CFAP54: variants seen among roughly 807,000 people sequenced by gnomAD.
CFAP54 encodes the protein cilia and flagella associated protein 54, also known as cilia- and flagella-associated protein 54.
A neutral mutation model predicts 370.4 loss-of-function variants in CFAP54; 290 were observed. The ratio of observed to expected loss-of-function variants is 0.78; its 90% CI spans 0.71 to 0.86. The LOEUF (loss-of-function observed/expected upper bound fraction) is 0.86, where lower values mean the gene tolerates loss of function less well. Among genes scored for constraint, CFAP54 ranks in the 40% least tolerant of loss-of-function variants. The probability of loss-of-function intolerance (pLI) is 0.00; values close to 1 mark genes in which losing one functional copy is unlikely to be tolerated. For missense variants in CFAP54, 3,399 were observed against 3,528.7 expected, an observed-to-expected ratio of 0.96 and a Z score of 0.93; for synonymous variants, 1,206 against 1,236.5, an observed-to-expected ratio of 0.98 and a Z score of 0.52.
At position 96,743,888 on chromosome 12, in the gene CFAP54, C is replaced by T. The variant is rs772832726; in HGVS notation, c.7535C>T (p.Ala2512Val). 3 of 1,613,076 alleles carry T rather than the reference C, an allele frequency of 1.9e-6. No individual in the cohort carries two copies. Among genetic ancestry groups the T allele is most frequent in the Non-Finnish European group, 2.5e-6 (3 of 1,179,664 alleles). The part of the protein sequence containing the change: ...KTGKLNLLTR[A>V]HSILTEQMLA... Reference sequence around the variant, plus strand: ...GGAAAATTAAATTTGTTAACTCGGGCTCATAGCATTCTAACTGAACAGGTG... The same window carrying T: ...GGAAAATTAAATTTGTTAACTCGGGTTCATAGCATTCTAACTGAACAGGTG... The change falls in exon 54 of 68, where the codon GCT (alanine) becomes GTT (valine). Residue 2512 changes from alanine (A) to valine (V), a missense_variant. Ala to Val is a moderately conservative substitution (Grantham distance 64, BLOSUM62 0). Coordinates refer to ENST00000524981, the MANE Select transcript of CFAP54 (RefSeq NM_001306084.2).
At chr12:96,582,659 G>A (rs1956043099) in intron 22 of CFAP54, among the ~76,000 whole-genome samples, 1 of 152,044 alleles carries the variant, frequency 6.6e-6, no homozygotes, top group African/African-American at 2.4e-5. Context: ...TTTTCTCCAG[G>A]GAGTGGTTTG....
At chr12:96,604,320 T>C (rs1323852121) in intron 26 of CFAP54, among the ~76,000 whole-genome samples, 7 of 152,170 alleles carry the variant, frequency 4.6e-5, no homozygotes, top group Non-Finnish European at 7.4e-5. Flanking sequence ...ATCGTTCCTC[T>C]GGAAGCTTCG....
chr12:96,780,575 AG>A (rs1238180227), intron 60 of CFAP54, among the ~76,000 whole-genome samples: 7 of 152,298 alleles, frequency 4.6e-5, no homozygotes, highest in African/African-American at 1.4e-4. Flanking sequence ...TTCAAGATAG[AG>A]ATAAAGGAAA....
At position 96,503,080 on chromosome 12, in the gene CFAP54, TTCTCTTTCTTTCTTTC is replaced by T. The variant is rs779568254; in HGVS notation, c.424-800_424-785del. ...CCTTTCTCTCTCTCTCTTTCTTTCT[TTCTCTTTCTTTCTTTC>T]TCTCTCTCTCCTTCCTTCCTTCTTT... On this transcript the variant is annotated intron_variant, in intron 2 of 67. Coordinates refer to ENST00000524981, the MANE Select transcript of CFAP54 (RefSeq NM_001306084.2). 8.6e-3 allele frequency among the ~76,000 whole-genome samples: 1,187 copies of T among 138,100 alleles called. 9 individuals carry two copies. Among genetic ancestry groups the T allele is most frequent in the Non-Finnish European group, 0.012 (809 of 65,600 alleles). 90.6% of individuals were successfully genotyped at this position (138,100 alleles called of 152,430 possible). A position where few individuals can be genotyped will look rare whatever the true frequency, so the allele number is the denominator to read the frequency against.
chr12:96,674,504 G>A (rs746246762), intron 39 of CFAP54, among the ~76,000 whole-genome samples: 1 of 151,568 alleles, frequency 6.6e-6, no homozygotes, highest in African/African-American at 2.4e-5. Flanking sequence ...AGCTAATGCC[G>A]CCTCCTCATT....
intron 32 of CFAP54, among the ~76,000 whole-genome samples, chr12:96,631,246 T>C (rs1018319949): frequency 9.2e-5 from 14 of 151,906 alleles, no homozygotes; most frequent in African/African-American, 3.1e-4. Flanking sequence ...TATTTTTAGA[T>C]AGGTATAAAA....
intron 66 of CFAP54, among the ~76,000 whole-genome samples, chr12:96,838,613 A>C (rs1959193983): frequency 6.6e-6 from 1 of 152,126 alleles, no homozygotes; most frequent in Non-Finnish European, 1.5e-5. Context: ...GAACTCACTC[A>C]CTATCACAAG....
intron 50 of CFAP54, among the ~76,000 whole-genome samples, chr12:96,722,324 A>G (rs1957766298): frequency 6.6e-6 from 1 of 152,210 alleles, no homozygotes; most frequent in Non-Finnish European, 1.5e-5. Flanking sequence ...TTGGGTGGTC[A>G]GGGCAGGCTT....
chr12:96,661,377 C>T (rs1027340178), intron 38 of CFAP54, among the ~76,000 whole-genome samples: 16 of 152,144 alleles, frequency 1.1e-4, no homozygotes, highest in African/African-American at 3.9e-4. Context: ...TCACATCTGT[C>T]TAGCTAGCTA....
At chr12:96,523,127 C>T (rs940301727) in intron 8 of CFAP54, among the ~76,000 whole-genome samples, 1 of 152,198 alleles carries the variant, frequency 6.6e-6, no homozygotes, top group African/African-American at 2.4e-5. Flanking sequence ...CTTCTGCGAG[C>T]TTCCATGTAG....
intron 39 of CFAP54, among the ~76,000 whole-genome samples, chr12:96,673,700 T>C (rs1957173010): frequency 1.3e-5 from 2 of 152,236 alleles, no homozygotes; most frequent in Non-Finnish European, 2.9e-5. Context: ...GCAATTCTTT[T>C]AAAAGACAGA....
chr12:96,533,073 A>C (rs1268183614), intron 9 of CFAP54, among the ~76,000 whole-genome samples: 1 of 152,100 alleles, frequency 6.6e-6, no homozygotes, highest in Non-Finnish European at 1.5e-5. Context: ...TGTCATGGAC[A>C]ACCTTATTGC....
Position 96,778,058 on chromosome 12 carries a change from T to C in CFAP54, c.8282-6659T>C, listed in dbSNP as rs1592756174. ...AATCTAGGCATGCTTCTTTGAAAAGTTTTGAGCCATTTACAAGGCAAAAGT... is the reference window on the plus strand; with the variant it reads ...AATCTAGGCATGCTTCTTTGAAAAGCTTTGAGCCATTTACAAGGCAAAAGT... On this transcript the variant is annotated intron_variant, in intron 60 of 67. Transcript: ENST00000524981. Among the ~76,000 whole-genome samples the C allele has an allele frequency of 3.9e-5, 6 of 152,358 alleles. No individual in the cohort carries two copies. In the South Asian group the frequency reaches 1.2e-3, roughly 32 times the overall value.
At chr12:96,580,770 G>A in intron 21 of CFAP54, 81 bp downstream of exon 21, 1 of 1,145,358 alleles carries the variant, frequency 8.7e-7, no homozygotes, top group Non-Finnish European at 1.2e-6. Context: ...TTGTTTTGGT[G>A]AATCTCTCTA....
chr12:96,590,615 G>A (rs1956114721), intron 23 of CFAP54, among the ~76,000 whole-genome samples: 1 of 152,338 alleles, frequency 6.6e-6, no homozygotes, highest in African/African-American at 2.4e-5. Flanking sequence ...GATGCTATGT[G>A]CTATGGGGGT....
chr12:96,826,557 T>G (rs1463037811), intron 65 of CFAP54, among the ~76,000 whole-genome samples: 1 of 82,934 alleles, frequency 1.2e-5, no homozygotes, highest in Non-Finnish European at 2.2e-5. Context: ...TTATATATAA[T>G]ATATAATATA....
chr12:96,772,014 A>T (rs1361889633), intron 60 of CFAP54, among the ~76,000 whole-genome samples: 1 of 152,226 alleles, frequency 6.6e-6, no homozygotes, highest in Non-Finnish European at 1.5e-5. Context: ...AACTGTTCTT[A>T]GTTTTTCTCT....
rs1180617582 is a variant in CFAP54 at position 96,539,143 on chromosome 12, C to A, written c.1926+625C>A. ...CTGGAGTGCATTGGCTAACTGCAAC[C>A]TCTGCCTGCCGGGTTCAAGCGATTC... On this transcript the variant is annotated intron_variant, in intron 13 of 67. Coordinates refer to ENST00000524981, the MANE Select transcript of CFAP54 (RefSeq NM_001306084.2). Among the ~76,000 whole-genome samples the A allele has an allele frequency of 4.8e-5, 7 of 146,032 alleles. No homozygotes were observed. The East Asian group carries it at 1.0e-3, about 21-fold the overall frequency.
intron 2 of CFAP54, among the ~76,000 whole-genome samples, chr12:96,502,396 T>TAAAA (rs535053383): frequency 5.8e-5 from 4 of 68,590 alleles, no homozygotes; most frequent in Admixed American, 2.0e-4. Flanking sequence ...ACACTGTCCC[T>TAAAA]AAAAAAAAAA....
Sources: allele counts gnomAD v4.1 joint callset (sites outside exome capture counted in the v4.1 genomes callset), GRCh38; gene constraint gnomAD v4.1.1; transcripts MANE v1.5; gene names NCBI Gene and HGNC (gene_info 2026-07-23, HGNC 2026-07-21).